Variants in PMFBP1 observed in about 807,000 individuals in gnomAD.
The protein encoded by PMFBP1 is polyamine-modulated factor 1-binding protein 1.
PMFBP1 carries 131 observed loss-of-function variants against 137.8 expected under a neutral mutation model. The observed-to-expected ratio is 0.95, with a 90% CI of 0.82 to 1.10. The LOEUF is 1.10. PMFBP1 is among the 50% of genes least tolerant of loss of function. PMFBP1 has a pLI of 0.00. For synonymous variants in PMFBP1, 490 were observed against 450.4 expected (o/e 1.09, Z -1.11); for missense variants, 1,199 against 1,175.4 (o/e 1.02, Z -0.29).
At chr16:72,157,311 G>C (rs1223825408) in intron 3 of PMFBP1, among the ~76,000 whole-genome samples, 1 of 152,032 alleles carries the variant, frequency 6.6e-6, no homozygotes, top group African/African-American at 2.4e-5. Context: ...AAATGCAACA[G>C]GGGAGAGTGA....
chr16:72,117,552 A>G (rs964010827), downstream of PMFBP1, among the ~76,000 whole-genome samples: 2 of 152,224 alleles, frequency 1.3e-5, no homozygotes, highest in African/African-American at 4.8e-5. Context: ...GATGCTGAAT[A>G]GAAGTGGCAA....
intron 2 of PMFBP1, among the ~76,000 whole-genome samples, chr16:72,166,337 T>C (rs1283432302): frequency 6.6e-6 from 1 of 152,144 alleles, no homozygotes; most frequent in African/African-American, 2.4e-5. Context: ...CCAGCTGCCA[T>C]GTAAGATGTG....
upstream of PMFBP1, among the ~76,000 whole-genome samples, chr16:72,177,331 A>G (rs555712628): frequency 6.6e-6 from 1 of 152,334 alleles, no homozygotes; most frequent in African/African-American, 2.4e-5. Flanking sequence ...AGTGTTCTGA[A>G]CATAAAATAA....
chr16:72,217,024 C>T, the PMFBP1 span, among the ~76,000 whole-genome samples: 1 of 152,162 alleles, frequency 6.6e-6, no homozygotes, highest in African/African-American at 2.4e-5. Flanking sequence ...CTGGACAGGA[C>T]TTTGAGTTGT....
chr16:72,139,777 T>C (rs1050193714), intron 6 of PMFBP1, among the ~76,000 whole-genome samples: 6 of 152,186 alleles, frequency 3.9e-5, no homozygotes, highest in African/African-American at 1.4e-4. Flanking sequence ...GAGTGTGTAA[T>C]TGTGTGTGTA....
chr16:72,212,745 T>C, the PMFBP1 span, among the ~76,000 whole-genome samples: 1 of 152,098 alleles, frequency 6.6e-6, no homozygotes, highest in Non-Finnish European at 1.5e-5. Context: ...GCACAATAAA[T>C]GAAGACTGAG....
chr16:72,193,982 CTT>C, the PMFBP1 span, among the ~76,000 whole-genome samples: 24 of 129,954 alleles, frequency 1.8e-4, no homozygotes, highest in Non-Finnish European at 2.0e-4. Context: ...ATCAAGGCTG[CTT>C]TTTTTTTTTT....
At chr16:72,232,505 T>C in the PMFBP1 span, among the ~76,000 whole-genome samples, 1 of 152,160 alleles carries the variant, frequency 6.6e-6, no homozygotes, top group Admixed American at 6.6e-5. Flanking sequence ...CAGAGGTATT[T>C]ATTTCTTACC....
At chr16:72,216,215 C>G in the PMFBP1 span, among the ~76,000 whole-genome samples, 1 of 152,128 alleles carries the variant, frequency 6.6e-6, no homozygotes, top group African/African-American at 2.4e-5. Flanking sequence ...AATCCTCTAT[C>G]CCAGAATCAT....
At chr16:72,125,867 T>A in intron 15 of PMFBP1, 101 bp downstream of exon 15, 1 of 1,418,008 alleles carries the variant, frequency 7.1e-7, no homozygotes, top group South Asian at 1.3e-5. Flanking sequence ...GATGGCCCCA[T>A]TGACAGTCAA....
the PMFBP1 span, among the ~76,000 whole-genome samples, chr16:72,223,217 G>A: frequency 5.3e-5 from 8 of 152,194 alleles, no homozygotes; most frequent in Admixed American, 1.3e-4. Flanking sequence ...TCACAGCACC[G>A]AATTTCCATG....
chr16:72,128,619 T>G, intron 14 of PMFBP1, 38 bp downstream of exon 14: 1 of 1,613,906 alleles, frequency 6.2e-7, no homozygotes. Context: ...GTCACAGGGT[T>G]CAAATTCCTC....
the PMFBP1 span, among the ~76,000 whole-genome samples, chr16:72,221,421 T>C: frequency 6.6e-6 from 1 of 152,220 alleles, no homozygotes; most frequent in African/African-American, 2.4e-5. Flanking sequence ...AACTCCAACC[T>C]ATTTGTTTTA....
chr16:72,183,754 A>T, the PMFBP1 span, among the ~76,000 whole-genome samples: 1 of 152,030 alleles, frequency 6.6e-6, no homozygotes, highest in Non-Finnish European at 1.5e-5. Context: ...TGGGGAAAAA[A>T]ATCCTCTCCT....
At chr16:72,213,370 A>T in the PMFBP1 span, among the ~76,000 whole-genome samples, 3 of 152,118 alleles carry the variant, frequency 2.0e-5, no homozygotes, top group Non-Finnish European at 2.9e-5. Context: ...CAATATGAGG[A>T]TTTAAAAAGA....
chr16:72,154,106 G>C, intron 4 of PMFBP1, 105 bp downstream of exon 4: 1 of 1,433,588 alleles, frequency 7.0e-7, no homozygotes, highest in African/African-American at 1.4e-5. Flanking sequence ...TGCTCGGGAT[G>C]TTGCAAAGCT....
chr16:72,190,170 C>A, the PMFBP1 span, among the ~76,000 whole-genome samples: 1 of 152,196 alleles, frequency 6.6e-6, no homozygotes, highest in African/African-American at 2.4e-5. Flanking sequence ...AAGTAGAATT[C>A]AGGCCTCTCC....
chr16:72,122,681 C>G (rs557156947), intron 19 of PMFBP1, among the ~76,000 whole-genome samples: 1 of 152,286 alleles, frequency 6.6e-6, no homozygotes, highest in East Asian at 1.9e-4. Context: ...CAGGAAGGAG[C>G]AAAAAGACTA....
chr16:72,219,059 CAT>C, the PMFBP1 span, among the ~76,000 whole-genome samples: 2 of 152,104 alleles, frequency 1.3e-5, no homozygotes, highest in Admixed American at 6.6e-5. Context: ...TGTTTTGAGA[CAT>C]GTATACATTG....
Sources: allele counts gnomAD v4.1 joint callset (sites outside exome capture counted in the v4.1 genomes callset), GRCh38; gene constraint gnomAD v4.1.1; transcripts MANE v1.5; gene names NCBI Gene and HGNC (gene_info 2026-07-23, HGNC 2026-07-21).